Variants in TEX9 observed in about 807,000 individuals in gnomAD.
TEX9 encodes the protein testis-expressed protein 9.
Under a neutral mutation model 59.6 loss-of-function variants are expected in TEX9, and 74 were observed. The ratio of observed to expected loss-of-function variants is 1.24; its 90% CI spans 1.03 to 1.51. The LOEUF (loss-of-function observed/expected upper bound fraction) is 1.51, where lower values mean the gene tolerates loss of function less well. Among genes scored for constraint, TEX9 ranks in the 40% most tolerant of loss-of-function variants. TEX9 has a pLI of 0.00. For missense variants in TEX9, 522 were observed against 447.8 expected (o/e 1.17, Z -1.49); for synonymous variants, 186 against 152.2 (o/e 1.22, Z -1.64).
intron 9 of TEX9, among the ~76,000 whole-genome samples, chr15:56,404,132 A>G (rs1214807165): frequency 3.3e-5 from 5 of 152,226 alleles, no homozygotes; most frequent in Non-Finnish European, 7.3e-5. Flanking sequence ...AAATAGACAA[A>G]TGGGATCTAA....
rs151012834 is a variant in TEX9 at position 56,419,012 on chromosome 15, G to A, written c.963+6576G>A. Among the ~76,000 whole-genome samples, 206 of 151,906 alleles carry A rather than the reference G, an allele frequency of 1.4e-3. 1 individual carries two copies. Among genetic ancestry groups the A allele is most frequent in the Admixed American group, 8.6e-3 (132 of 15,276 alleles). On this transcript the variant is annotated intron_variant, in intron 10 of 12. Transcript: ENST00000352903. ...TTGGGAAAATTGACATCTTAATAGC[G>A]TCTTTAAAGTCATGAATAGAGAAAA...
chr15:56,394,986 T>C (rs2048393634), intron 9 of TEX9, 152 bp downstream of exon 9: 1 of 740,696 alleles, frequency 1.4e-6, no homozygotes, highest in African/African-American at 1.8e-5. Context: ...TTTTAACAAC[T>C]TTATTGAGAT....
chr15:56,433,262 TGG>T (rs1169384436), intron 12 of TEX9, among the ~76,000 whole-genome samples: 3 of 70,304 alleles, frequency 4.3e-5, no homozygotes, highest in Non-Finnish European at 8.7e-5. Context: ...TGTCGGGGGG[TGG>T]GGGGGACAAG....
chr15:56,337,269 T>C (rs1200861362), intron 1 of TEX9, among the ~76,000 whole-genome samples: 1 of 152,160 alleles, frequency 6.6e-6, no homozygotes, highest in Non-Finnish European at 1.5e-5. Flanking sequence ...AAGTGGCTTA[T>C]CTGGTGGGGC....
At chr15:56,377,749 T>C (rs965394775) in intron 3 of TEX9, among the ~76,000 whole-genome samples, 2 of 152,188 alleles carry the variant, frequency 1.3e-5, no homozygotes, top group African/African-American at 4.8e-5. Flanking sequence ...CTGATTGCTC[T>C]AGTTAGGACA....
intron 1 of TEX9, among the ~76,000 whole-genome samples, chr15:56,303,273 A>C (rs2045402878): frequency 2.0e-5 from 3 of 152,226 alleles, no homozygotes; most frequent in Non-Finnish European, 4.4e-5. Flanking sequence ...TCTTCAGCAT[A>C]TGGATCATTC....
At chr15:56,452,500 T>C in the TEX9 span, among the ~76,000 whole-genome samples, 1 of 150,214 alleles carries the variant, frequency 6.7e-6, no homozygotes, top group Non-Finnish European at 1.5e-5. Flanking sequence ...GTATAATCCA[T>C]ATTGTTTTGT....
At chr15:56,392,190 G>T (rs985081633) in intron 7 of TEX9, among the ~76,000 whole-genome samples, 1 of 152,154 alleles carries the variant, frequency 6.6e-6, no homozygotes, top group Non-Finnish European at 1.5e-5. Flanking sequence ...GTATTAGTCT[G>T]TTCCTGCACT....
At chr15:56,333,162 T>C (rs1189858007) in intron 1 of TEX9, among the ~76,000 whole-genome samples, 1 of 151,904 alleles carries the variant, frequency 6.6e-6, no homozygotes, top group Non-Finnish European at 1.5e-5. Context: ...TCCAAACCAT[T>C]CTATGAGGAC....
upstream of TEX9, among the ~76,000 whole-genome samples, chr15:56,364,399 C>T (rs148009835): frequency 2.1e-3 from 313 of 151,870 alleles, 8 homozygotes; most frequent in East Asian, 0.043. Flanking sequence ...GTGATCCACC[C>T]GCCTTGGCCT....
intron 3 of TEX9, among the ~76,000 whole-genome samples, chr15:56,375,990 A>G (rs1596139310): frequency 6.6e-6 from 1 of 150,598 alleles, no homozygotes; most frequent in African/African-American, 2.4e-5. Flanking sequence ...CAATTGCTGC[A>G]TATTCTCACT....
At chr15:56,317,514 A>G (rs73411590) in intron 1 of TEX9, among the ~76,000 whole-genome samples, 4,085 of 151,738 alleles carry the variant, frequency 0.027, 178 homozygotes, top group African/African-American at 0.094. Context: ...TTGTTTTTCT[A>G]TTTTCTGTTT....
intron 1 of TEX9, among the ~76,000 whole-genome samples, chr15:56,266,290 C>A (rs2044379895): frequency 6.7e-6 from 1 of 149,850 alleles, no homozygotes; most frequent in Non-Finnish European, 1.5e-5. Context: ...CCATGCCTGG[C>A]TAATTTTGTA....
At chr15:56,263,235 C>G (rs1246497989) in intron 1 of TEX9, among the ~76,000 whole-genome samples, 1 of 152,156 alleles carries the variant, frequency 6.6e-6, no homozygotes. Context: ...GTTGGTCAGG[C>G]TGGTCTCGAA....
chr15:56,447,675 A>G (rs1052355811), downstream of TEX9: 2 of 152,208 alleles, frequency 1.3e-5, no homozygotes, highest in Non-Finnish European at 2.9e-5. Flanking sequence ...ACAATATTCA[A>G]TAAACTGAAC....
intron 1 of TEX9, among the ~76,000 whole-genome samples, chr15:56,282,404 A>G (rs2044839574): frequency 6.6e-6 from 1 of 152,188 alleles, no homozygotes; most frequent in Non-Finnish European, 1.5e-5. Context: ...ATTTTAAAGT[A>G]AAACCCAAAA....
At chr15:56,388,346 A>T in intron 4 of TEX9, 126 bp from the exon 5 acceptor site, 1 of 678,684 alleles carries the variant, frequency 1.5e-6, no homozygotes, top group Non-Finnish European at 2.4e-6. Context: ...CATGTGGGTA[A>T]CTAGAATTAT....
At chr15:56,267,426 G>T (rs2044413655) in intron 1 of TEX9, among the ~76,000 whole-genome samples, 1 of 152,168 alleles carries the variant, frequency 6.6e-6, no homozygotes, top group South Asian at 2.1e-4. Context: ...GAATGGTATT[G>T]CCTAGGTTTT....
At chr15:56,454,552 AATC>A in the TEX9 span, among the ~76,000 whole-genome samples, 1 of 152,096 alleles carries the variant, frequency 6.6e-6, no homozygotes, top group South Asian at 2.1e-4. Flanking sequence ...CTTTGGAGAT[AATC>A]ATCTTTTTTG....
Sources: allele counts gnomAD v4.1 joint callset (sites outside exome capture counted in the v4.1 genomes callset), GRCh38; gene constraint gnomAD v4.1.1; transcripts MANE v1.5; gene names NCBI Gene and HGNC (gene_info 2026-07-23, HGNC 2026-07-21).